Variants in TNNI3K observed in about 807,000 individuals in gnomAD.
TNNI3K encodes TNNI3 interacting kinase, also known as serine/threonine-protein kinase TNNI3K.
Under a neutral mutation model 114.5 loss-of-function variants are expected in TNNI3K, and 140 were observed. That is an observed-to-expected ratio of 1.22 (90% CI 1.07 to 1.41). TNNI3K has a LOEUF of 1.41. TNNI3K is among the 40% of genes most tolerant of loss of function. TNNI3K has a pLI of 0.00. For synonymous variants in TNNI3K, 347 were observed against 347.5 expected (o/e 1.00, Z 0.02); for missense variants, 1,125 against 1,007.6 (o/e 1.12, Z -1.58).
chr1:74,465,039 T>G (rs981675171), intron 21 of TNNI3K: 5 of 1,060,312 alleles, frequency 4.7e-6, no homozygotes, highest in Non-Finnish European at 5.7e-6. Flanking sequence ...TATTTCAGTG[T>G]GAACCTCAGA....
chr1:74,243,338 AG>A (rs1654363981), intron 2 of TNNI3K, among the ~76,000 whole-genome samples: 1 of 152,138 alleles, frequency 6.6e-6, no homozygotes, highest in African/African-American at 2.4e-5. Context: ...TATTGTTTGG[AG>A]GGCATGGGGC....
intron 24 of TNNI3K, among the ~76,000 whole-genome samples, chr1:74,541,945 G>T (rs1646731760): frequency 6.6e-6 from 1 of 152,182 alleles, no homozygotes; most frequent in Non-Finnish European, 1.5e-5. Context: ...CCAAAGAGCA[G>T]AGCTCGAAAA....
chr1:74,319,266 G>A (rs1043842530), intron 5 of TNNI3K, among the ~76,000 whole-genome samples: 27 of 152,144 alleles, frequency 1.8e-4, no homozygotes, highest in Admixed American at 1.3e-3. Flanking sequence ...TATCCATAGG[G>A]CAGTTCACAA....
Position 74,331,453 on chromosome 1 carries a change from G to T in TNNI3K, c.448G>T (p.Ala150Ser), listed in dbSNP as rs200683517. The change falls in exon 6 of 25, where the codon GCT becomes TCT. Residue 150 changes from alanine (A) to serine (S), a missense_variant. Ala to Ser is a moderately conservative substitution (Grantham distance 99, BLOSUM62 1). Transcript: ENST00000326637. ...CCATAATCATTTTCTTGTCCAGGCTGCTGATGTGCTGTTGCAACATGGAGC... is the reference window on the plus strand; with the variant it reads ...CCATAATCATTTTCTTGTCCAGGCTTCTGATGTGCTGTTGCAACATGGAGC... Reference protein sequence around the residue: ...IATIAGHLEAADVLLQHGANV... With the variant: ...IATIAGHLEASDVLLQHGANV... 89 of 1,612,958 alleles carry T rather than the reference G, an allele frequency of 5.5e-5. 1 individual carries two copies. The highest frequency in any genetic ancestry group is 6.2e-5 in the Non-Finnish European group (73 of 1,179,650).
chr1:74,449,411 C>A (rs1456937265), intron 20 of TNNI3K, among the ~76,000 whole-genome samples: 2 of 151,776 alleles, frequency 1.3e-5, no homozygotes, highest in African/African-American at 4.8e-5. Flanking sequence ...TTTCAAAAAA[C>A]CAGCTCCTGG....
At chr1:74,354,212 C>T in intron 11 of TNNI3K, 83 bp downstream of exon 11, 1 of 1,564,518 alleles carries the variant, frequency 6.4e-7, no homozygotes, top group Admixed American at 1.8e-5. Context: ...AATTACTTTG[C>T]TTGCATGACT....
At chr1:74,511,193 C>CT (rs1486308876) in intron 23 of TNNI3K, among the ~76,000 whole-genome samples, 2 of 95,712 alleles carry the variant, frequency 2.1e-5, no homozygotes, top group Middle Eastern at 5.7e-3. Flanking sequence ...CGTGCCCGGC[C>CT]TATTTTTTTT....
At chr1:74,489,573 A>G (rs1325237093) in intron 22 of TNNI3K, among the ~76,000 whole-genome samples, 1 of 152,250 alleles carries the variant, frequency 6.6e-6, no homozygotes, top group Non-Finnish European at 1.5e-5. Context: ...ATCAATTTTT[A>G]TGCAAAAATT....
intron 5 of TNNI3K, among the ~76,000 whole-genome samples, chr1:74,306,486 T>A (rs934521977): frequency 2.6e-5 from 4 of 152,202 alleles, no homozygotes; most frequent in African/African-American, 9.6e-5. Context: ...CTAATTTACA[T>A]TCCCACCAAC....
chr1:74,336,212 C>G, intron 7 of TNNI3K, 63 bp downstream of exon 7: 4 of 1,524,550 alleles, frequency 2.6e-6, no homozygotes, highest in Non-Finnish European at 2.6e-6. Context: ...TTTACTTGTA[C>G]TTCTCTTACT....
intron 12 of TNNI3K, 137 bp downstream of exon 12, chr1:74,367,479 T>A: frequency 2.2e-6 from 2 of 890,986 alleles, no homozygotes; most frequent in Non-Finnish European, 3.3e-6. Flanking sequence ...TTATTTTAAG[T>A]AACCTTATGT....
At chr1:74,296,587 C>G (rs1657999396) in intron 5 of TNNI3K, among the ~76,000 whole-genome samples, 1 of 151,862 alleles carries the variant, frequency 6.6e-6, no homozygotes, top group African/African-American at 2.4e-5. Context: ...TTAACATGTT[C>G]TTGAATATTT....
chr1:74,300,602 T>C (rs1658265438), intron 5 of TNNI3K, among the ~76,000 whole-genome samples: 1 of 152,194 alleles, frequency 6.6e-6, no homozygotes, highest in South Asian at 2.1e-4. Context: ...AGCTCAGAGT[T>C]TAGTAAAGAC....
intron 17 of TNNI3K, chr1:74,374,114 G>C (rs1662751958): frequency 6.6e-6 from 1 of 151,726 alleles, no homozygotes; most frequent in Non-Finnish European, 1.5e-5. Context: ...TAATGACAAA[G>C]GAAAAAGAGT....
chr1:74,289,900 G>A (rs1013534928), intron 5 of TNNI3K, among the ~76,000 whole-genome samples: 1 of 150,792 alleles, frequency 6.6e-6, no homozygotes, highest in East Asian at 2.0e-4. Context: ...CAGTCACTTT[G>A]TTTAGAAGGG....
intron 16 of TNNI3K, chr1:74,369,855 A>G (rs1171553026): frequency 2.9e-6 from 1 of 344,820 alleles, no homozygotes; most frequent in Non-Finnish European, 5.1e-6. Flanking sequence ...TAATTAGGCT[A>G]AATTTGAAAT....
chr1:74,259,718 A>G (rs1039109063), intron 4 of TNNI3K, among the ~76,000 whole-genome samples: 17 of 152,296 alleles, frequency 1.1e-4, no homozygotes, highest in African/African-American at 3.6e-4. Context: ...GATTGCATTG[A>G]GCTAAGATTG....
intron 20 of TNNI3K, 84 bp downstream of exon 20, chr1:74,439,706 AT>A: frequency 6.4e-7 from 1 of 1,573,690 alleles, no homozygotes; most frequent in Non-Finnish European, 8.6e-7. Context: ...TTTTCACAAA[AT>A]GATTAGTCTC....
chr1:74,390,826 G>A (rs1280556000), intron 17 of TNNI3K, among the ~76,000 whole-genome samples: 2 of 152,130 alleles, frequency 1.3e-5, no homozygotes, highest in Non-Finnish European at 2.9e-5. Flanking sequence ...CTCTGAGAGG[G>A]TGACATCTGA....
Sources: allele counts gnomAD v4.1 joint callset (sites outside exome capture counted in the v4.1 genomes callset), GRCh38; gene constraint gnomAD v4.1.1; transcripts MANE v1.5; gene names NCBI Gene and HGNC (gene_info 2026-07-23, HGNC 2026-07-21).